The following BRWD3 variants were observed in gnomAD, a reference collection of about 807,000 sequenced individuals.
BRWD3 encodes the protein bromodomain and WD repeat domain containing 3.
In BRWD3, 10 loss-of-function variants were observed where a neutral mutation model predicts 149.7. The observed-to-expected ratio is 0.07, with a 90% CI of 0.04 to 0.11. The LOEUF (loss-of-function observed/expected upper bound fraction) is 0.11. Among genes scored for constraint, BRWD3 ranks in the 10% least tolerant of loss-of-function variants. The pLI is 1.00. For synonymous variants in BRWD3, 504 were observed against 456.7 expected, an observed-to-expected ratio of 1.10 and a Z score of -1.32; for missense variants, 940 against 1,373.2, an observed-to-expected ratio of 0.68 and a Z score of 4.99.
At chrX:80,795,378 TAC>T (rs961647803) in intron 4 of BRWD3, among the ~76,000 whole-genome samples, 35 of 110,012 alleles carry the variant, frequency 3.2e-4, no homozygotes, top group African/African-American at 1.1e-3. Flanking sequence ...TGTGTATATA[TAC>T]ACACATATAT....
intron 33 of BRWD3, 90 bp downstream of exon 33, chrX:80,689,678 T>C: frequency 1.2e-6 from 1 of 836,050 alleles, no homozygotes. Flanking sequence ...TGTTTTGCTG[T>C]TCATGGCCAA....
At position 80,710,077 on chromosome X, in the gene BRWD3, G is replaced by A. The variant is rs748233792; in HGVS notation, c.2326-500C>T. The A allele has an allele frequency of 3.7e-4, 328 of 875,295 alleles. 1 individual carries two copies. Among genetic ancestry groups the A allele is most frequent in the Non-Finnish European group, 5.4e-4 (318 of 594,296 alleles). 72.1% of individuals were successfully genotyped at this position (875,295 alleles called of 1,213,427 possible). A position where few individuals can be genotyped will look rare whatever the true frequency, so the allele number is the denominator to read the frequency against. On this transcript the variant is annotated intron_variant, in intron 20 of 40. Transcript: ENST00000373275. ...TGGTTGCATTGAAAAGGGCACCATCGGAGCTTGCAGCTCATCAGAAAAAAA... is the reference window on the plus strand; with the variant it reads ...TGGTTGCATTGAAAAGGGCACCATCAGAGCTTGCAGCTCATCAGAAAAAAA...
chrX:80,718,148 A>G (rs777237910), intron 18 of BRWD3, among the ~76,000 whole-genome samples: 1 of 111,730 alleles, frequency 9.0e-6, no homozygotes, highest in African/African-American at 3.2e-5. Flanking sequence ...GTGTTTCTAG[A>G]TAAAACATCA....
chrX:80,742,409 T>TGTATGAACTTTATA (rs768131702), intron 8 of BRWD3, among the ~76,000 whole-genome samples: 1 of 84,411 alleles, frequency 1.2e-5, no homozygotes, highest in Non-Finnish European at 2.2e-5. Flanking sequence ...TTTTTGGTTC[T>TGTATGAACTTTATA]GTAGTTTTTT....
intron 20 of BRWD3, chrX:80,710,387 C>T (rs928483853): frequency 3.0e-6 from 1 of 336,836 alleles, no homozygotes; most frequent in Non-Finnish European, 5.6e-6. Context: ...GACTACAGAG[C>T]TACGTCCACT....
chrX:80,677,460 G>T, intron 40 of BRWD3, 97 bp from the exon 41 acceptor site: 1 of 1,057,222 alleles, frequency 9.5e-7, no homozygotes, highest in South Asian at 2.4e-5. Context: ...AAAATATGTG[G>T]AATACAATCA....
intron 2 of BRWD3, 56 bp downstream of exon 2, chrX:80,809,190 C>G (rs1187708051): frequency 1.5e-5 from 17 of 1,161,513 alleles, no homozygotes; most frequent in Non-Finnish European, 8.1e-6. Flanking sequence ...CCCGCTGCCT[C>G]GATTTCCCCA....
At position 80,670,449 on chromosome X, in the gene BRWD3, A is replaced by G. The variant is rs1194110044; in HGVS notation, c.*6160T>C. ...TTGACCTTCTCAACTTGGAAAAAAA[A>G]TGGATCCCCAGGCTGGAGTGCAGTG... is the stretch of plus-strand genomic sequence containing the variant. On this transcript the variant is annotated 3_prime_UTR_variant, in exon 41 of 41. Transcript: ENST00000373275. 1.8e-5 allele frequency among the ~76,000 whole-genome samples: 2 copies of G among 110,309 alleles called. No individual in the cohort carries two copies. Among genetic ancestry groups the G allele is most frequent in the African/African-American group, 6.6e-5 (2 of 30,264 alleles).
chrX:80,703,459 G>T, intron 24 of BRWD3, 21 bp downstream of exon 24: 2 of 1,090,772 alleles, frequency 1.8e-6, no homozygotes, highest in Non-Finnish European at 2.5e-6. Flanking sequence ...ACAGAAAAAG[G>T]TTATAACAGG....
rs150411352 is a variant in BRWD3 at position 80,774,524 on chromosome X, C to T, written c.430+17330G>A. 9.1e-4 allele frequency among the ~76,000 whole-genome samples: 101 copies of T among 110,932 alleles called. No homozygotes were observed. In the East Asian group the frequency reaches 0.018, roughly 20 times the overall value. On this transcript the variant is annotated intron_variant, in intron 6 of 40. Transcript: ENST00000373275. The stretch of plus-strand genomic sequence containing the variant: ...TACCTACTCACATACTAATTACTGC[C>T]AATCTTTATCTGTAACCTCTATTTT...
intron 12 of BRWD3, among the ~76,000 whole-genome samples, chrX:80,731,499 A>G (rs1269330689): frequency 1.8e-5 from 2 of 111,794 alleles, no homozygotes; most frequent in Non-Finnish European, 3.8e-5. Context: ...CTGTTTGTAG[A>G]CTATCATTAT....
chrX:80,779,494 A>C (rs2074035540), intron 6 of BRWD3, among the ~76,000 whole-genome samples: 1 of 110,360 alleles, frequency 9.1e-6, no homozygotes, highest in South Asian at 3.8e-4. Context: ...TTGGGAAGCA[A>C]AGCAGATCGC....
intron 8 of BRWD3, among the ~76,000 whole-genome samples, chrX:80,739,517 T>C (rs139778993): frequency 2.4e-4 from 27 of 111,312 alleles, no homozygotes; most frequent in Non-Finnish European, 4.5e-4. Context: ...AAGAGTATGA[T>C]AGAGAGGTCT....
Position 80,691,875 on chromosome X carries a change from T to C in BRWD3, c.3429A>G (p.Arg1143=). Reference sequence around the variant, plus strand: ...GAATAACCCGTTCACATTCTTCGTCTCTGGAATGAGCCCCCCACTCTCCTT... The same window carrying C: ...GAATAACCCGTTCACATTCTTCGTCCCTGGAATGAGCCCCCCACTCTCCTT... ...PQEGEWGAHS[R]DEECERVIQG... The change falls in exon 30 of 41, where the codon AGA becomes AGG. Residue 1143 remains arginine, a synonymous_variant. Transcript: ENST00000373275. 1 of 1,210,703 alleles carries C rather than the reference T, an allele frequency of 8.3e-7. No homozygotes were observed. The highest frequency in any genetic ancestry group is 1.1e-6 in the Non-Finnish European group (1 of 895,277).
In BRWD3 at chrX:80,685,498, A is replaced by G; in HGVS notation, c.4044T>C (p.Val1348=). ...ATGAATCTTGTTGTCTTTCTGGAAC[A>G]ACAGACTCTGAGGATTCTCCCTCTT... ...QEQEGESSES[V]VPERQQDSSL... is the part of the protein sequence containing the mutation. Residue 1348 remains valine, a synonymous_variant, in exon 36 of 41, where the codon GTT becomes GTC. Coordinates refer to ENST00000373275, the MANE Select transcript of BRWD3 (RefSeq NM_153252.5). The G allele has an allele frequency of 1.7e-6, 2 of 1,209,328 alleles. No individual in the cohort carries two copies. Among genetic ancestry groups the G allele is most frequent in the Non-Finnish European group, 2.2e-6 (2 of 893,767 alleles).
Position 80,793,647 on chromosome X carries a change from C to A in BRWD3, c.306G>T (p.Arg102=). ...PGVQTLLGVG[R]QSLLRDAKDC... is the part of the protein sequence containing the mutation. ...CTTTGGCATCCCGTAGCAGAGACTG[C>A]CGACCAACACCTAATAATGTCTGTA... Residue 102 remains arginine, a synonymous_variant, in exon 5 of 41, where the codon CGG becomes CGT. Coordinates refer to ENST00000373275, the MANE Select transcript of BRWD3 (RefSeq NM_153252.5). 1.7e-6 allele frequency: 2 copies of A among 1,210,003 alleles called. No homozygotes were observed. Among genetic ancestry groups the A allele is most frequent in the Non-Finnish European group, 2.2e-6 (2 of 894,352 alleles).
At chrX:80,738,320 G>C (rs946897072) in intron 8 of BRWD3, among the ~76,000 whole-genome samples, 1 of 111,429 alleles carries the variant, frequency 9.0e-6, no homozygotes, top group African/African-American at 3.3e-5. Flanking sequence ...TTTTAAATGA[G>C]AAAACATGTT....
intron 6 of BRWD3, among the ~76,000 whole-genome samples, chrX:80,772,126 G>A (rs139381903): frequency 0.024 from 2,653 of 111,536 alleles, 64 homozygotes; most frequent in African/African-American, 0.083. Flanking sequence ...GGGTATATAC[G>A]CAAAGGATTA....
rs2072369800 is a variant in BRWD3, at chrX:80,676,642, G to C, written c.5376C>G (p.Ala1792=). 1 of 1,210,102 alleles carries C rather than the reference G, an allele frequency of 8.3e-7. No homozygotes were observed. The highest frequency in any genetic ancestry group is 1.7e-5 in the African/African-American group (1 of 57,598). The change falls in exon 41 of 41, where the codon GCC becomes GCG. Residue 1792 remains alanine, a synonymous_variant. Coordinates refer to ENST00000373275, the MANE Select transcript of BRWD3 (RefSeq NM_153252.5). ...SGRVRKMTEK[A]RVSHLMGWNY ...TCCATCCCATGAGATGGCTAACCCT[G>C]GCTTTTTCTGTCATTTTACGCACTC...
Sources: gnomAD v4.1 joint callset for allele counts (sites outside exome capture counted in the v4.1 genomes callset) on GRCh38, gnomAD v4.1.1 for gene constraint, MANE v1.5 for transcripts, NCBI Gene and HGNC (gene_info 2026-07-23, HGNC 2026-07-21) for gene names.